The following ABCC4 variants were observed in gnomAD, a reference collection of about 807,000 sequenced individuals.
ABCC4 encodes ATP binding cassette subfamily C member 4 (PEL blood group).
Under a neutral mutation model 168.5 loss-of-function variants are expected in ABCC4, and 102 were observed. The ratio of observed to expected loss-of-function variants is 0.61; its 90% CI spans 0.52 to 0.71. The LOEUF (loss-of-function observed/expected upper bound fraction) is 0.71. Among genes scored for constraint, ABCC4 ranks in the 30% least tolerant of loss-of-function variants. The probability of loss-of-function intolerance (pLI) is 0.00; values close to 1 mark genes in which losing one functional copy is unlikely to be tolerated. For synonymous variants in ABCC4, 617 were observed against 590.7 expected, an observed-to-expected ratio of 1.04 and a Z score of -0.65; for missense variants, 1,402 against 1,605.8, an observed-to-expected ratio of 0.87 and a Z score of 2.17.
intron 19 of ABCC4, among the ~76,000 whole-genome samples, chr13:95,151,629 A>G (rs981648771): frequency 2.0e-5 from 3 of 147,060 alleles, no homozygotes; most frequent in Non-Finnish European, 4.5e-5. Flanking sequence ...GAAGGAGAAG[A>G]AGGAGGAGAA....
At chr13:95,241,227 T>C (rs1161347014) in intron 3 of ABCC4, among the ~76,000 whole-genome samples, 1 of 151,616 alleles carries the variant, frequency 6.6e-6, no homozygotes, top group Admixed American at 6.6e-5. Flanking sequence ...TAGCTGGGTG[T>C]GGTGGCGCAC....
chr13:95,073,202 A>C lies in ABCC4; in HGVS notation c.3018+2T>G. 1 of 1,609,054 alleles carries C rather than the reference A, an allele frequency of 6.2e-7. No homozygotes were observed. Among genetic ancestry groups the C allele is most frequent in the Non-Finnish European group, 8.5e-7 (1 of 1,175,646 alleles). ...GGCAAAGAACGTGAAGGTAAATATTACCATATTCTCAACTTCAGCACTTTG... is the reference window on the plus strand; with the variant it reads ...GGCAAAGAACGTGAAGGTAAATATTCCCATATTCTCAACTTCAGCACTTTG... On this transcript the variant is annotated splice_donor_variant, in intron 24 of 30. Transcript: ENST00000645237. LOFTEE classifies it high-confidence loss of function.
At chr13:95,070,580 T>C (rs1267560302) in intron 25 of ABCC4, among the ~76,000 whole-genome samples, 1 of 152,300 alleles carries the variant, frequency 6.6e-6, no homozygotes, top group East Asian at 1.9e-4. Flanking sequence ...GCCTCCCAAG[T>C]CCCTCCTTGT....
At chr13:95,090,049 G>C (rs370282452) in intron 20 of ABCC4, among the ~76,000 whole-genome samples, 46 of 152,252 alleles carry the variant, frequency 3.0e-4, no homozygotes, top group South Asian at 1.0e-3. Flanking sequence ...AGGAGCCACA[G>C]ACCCTTTGAA....
At position 95,183,856 on chromosome 13, in the gene ABCC4, A is replaced by G. The variant is rs2037975532; in HGVS notation, c.1545+2845T>C. ...TGGAGCCTGGGAGGCGGAGGTTGCA[A>G]TGAGGCGAGATTACACCATTAGACT... On this transcript the variant is annotated intron_variant, in intron 11 of 30. Coordinates refer to ENST00000645237, the MANE Select transcript of ABCC4 (RefSeq NM_005845.5). Among the ~76,000 whole-genome samples, 3 of 152,074 alleles carry G rather than the reference A, an allele frequency of 2.0e-5. No homozygotes were observed. In the South Asian group the frequency reaches 6.2e-4, roughly 32 times the overall value.
At chr13:95,209,943 C>T (rs873705) in intron 5 of ABCC4, among the ~76,000 whole-genome samples, 17,899 of 152,260 alleles carry the variant, frequency 0.12, 1,495 homozygotes, top group African/African-American at 0.24. Context: ...CCCAAGAAAA[C>T]CTGTACTACA....
At chr13:95,208,608 C>CTTTTTT (rs58749262) in intron 6 of ABCC4, among the ~76,000 whole-genome samples, 6 of 74,654 alleles carry the variant, frequency 8.0e-5, no homozygotes, top group East Asian at 4.8e-4. Context: ...AGCTGTATTT[C>CTTTTTT]TTTTTTTTTT....
At chr13:95,281,130 TG>T (rs1594435033) in intron 1 of ABCC4, among the ~76,000 whole-genome samples, 1 of 151,488 alleles carries the variant, frequency 6.6e-6, no homozygotes, top group East Asian at 1.9e-4. Context: ...GGCAACATGG[TG>T]AAACCCCATC....
chr13:95,271,623 C>T (rs147697786), intron 1 of ABCC4, among the ~76,000 whole-genome samples: 3 of 152,286 alleles, frequency 2.0e-5, no homozygotes, highest in African/African-American at 7.2e-5. Flanking sequence ...TTTCAGGAAG[C>T]GGAGAACTTG....
At chr13:95,056,677 G>A (rs2033070277) in intron 26 of ABCC4, among the ~76,000 whole-genome samples, 1 of 150,008 alleles carries the variant, frequency 6.7e-6, no homozygotes, top group African/African-American at 2.4e-5. Context: ...AAGAAAATCA[G>A]GTAATAAAAA....
chr13:95,130,185 TA>T (rs1261836452), intron 19 of ABCC4, among the ~76,000 whole-genome samples: 2 of 152,212 alleles, frequency 1.3e-5, no homozygotes, highest in Non-Finnish European at 2.9e-5. Context: ...GATCGACTTT[TA>T]TTGGGTCTTC....
At position 95,024,206 on chromosome 13, in the gene ABCC4, C is replaced by CA. The variant is rs71207428; in HGVS notation, c.3871-2525dup. On this transcript the variant is annotated intron_variant, in intron 30 of 30. Coordinates refer to ENST00000645237, the MANE Select transcript of ABCC4 (RefSeq NM_005845.5). ...TGGGTGACAGAGTGAGAGACTGTCT[C>CA]AAAAAAAAAAAAAAAAAAAAAAGTT... 7.7e-3 allele frequency among the ~76,000 whole-genome samples: 336 copies of CA among 43,718 alleles called. 5 individuals are homozygous for CA. Among genetic ancestry groups the CA allele is most frequent in the Middle Eastern group, 0.027 (2 of 74 alleles). 28.7% of individuals were successfully genotyped at this position (43,718 alleles called of 152,430 possible). A position where few individuals can be genotyped will look rare whatever the true frequency, so the allele number is the denominator to read the frequency against.
chr13:95,043,871 A>AT (rs1398214858), intron 28 of ABCC4, 84 bp from the exon 29 acceptor site: 2 of 858,982 alleles, frequency 2.3e-6, no homozygotes, highest in Non-Finnish European at 1.8e-6. Context: ...CACAATAGAG[A>AT]TTTAAAAAAA....
At chr13:95,248,852 G>A (rs1470648575) in intron 1 of ABCC4, among the ~76,000 whole-genome samples, 2 of 152,078 alleles carry the variant, frequency 1.3e-5, no homozygotes, top group African/African-American at 4.8e-5. Flanking sequence ...CTCGAGACCA[G>A]CCCGGCAAAA....
At chr13:95,063,181 G>A (rs1382907156) in intron 25 of ABCC4, among the ~76,000 whole-genome samples, 1 of 152,162 alleles carries the variant, frequency 6.6e-6, no homozygotes, top group Non-Finnish European at 1.5e-5. Context: ...CCCTGGTTGA[G>A]ATCCACTGTT....
At chr13:95,059,051 CTT>C (rs2033184137) in intron 26 of ABCC4, among the ~76,000 whole-genome samples, 1 of 152,202 alleles carries the variant, frequency 6.6e-6, no homozygotes, top group Non-Finnish European at 1.5e-5. Context: ...TGTTGTGAGA[CTT>C]TTGTTTCTGT....
rs142065244 is a variant in ABCC4, at chr13:95,108,934, G to A, written c.2535+6988C>T. Among the ~76,000 whole-genome samples the A allele has an allele frequency of 1.6e-3, 238 of 151,990 alleles. 1 individual carries two copies. The highest frequency in any genetic ancestry group is 4.9e-3 in the African/African-American group (202 of 41,434). On this transcript the variant is annotated intron_variant, in intron 20 of 30. Coordinates refer to ENST00000645237, the MANE Select transcript of ABCC4 (RefSeq NM_005845.5). ...TGTTTCCTTATTTTTCAAACTCAACGTCACCTCCTCCTTGACTATGCTGGT... is the reference window on the plus strand; with the variant it reads ...TGTTTCCTTATTTTTCAAACTCAACATCACCTCCTCCTTGACTATGCTGGT...
chr13:95,196,527 C>T (rs564099760), intron 8 of ABCC4, among the ~76,000 whole-genome samples: 34 of 146,480 alleles, frequency 2.3e-4, no homozygotes, highest in African/African-American at 8.3e-4. Context: ...CCAGCCTGGG[C>T]AATAGTGCAA....
At chr13:95,256,438 G>T (rs1456402023) in intron 1 of ABCC4, among the ~76,000 whole-genome samples, 2 of 152,202 alleles carry the variant, frequency 1.3e-5, no homozygotes, top group African/African-American at 4.8e-5. Flanking sequence ...GCCCATCAGT[G>T]TATGATGTTG....
Sources: gnomAD v4.1 joint callset for allele counts (sites outside exome capture counted in the v4.1 genomes callset) on GRCh38, gnomAD v4.1.1 for gene constraint, MANE v1.5 for transcripts, NCBI Gene and HGNC (gene_info 2026-07-23, HGNC 2026-07-21) for gene names.